Variants in LARS1 observed in about 807,000 individuals in gnomAD.
LARS1 encodes leucyl-tRNA synthetase 1.
LARS1 carries 100 observed loss-of-function variants against 162.8 expected under a neutral mutation model. That is an observed-to-expected ratio of 0.61 (90% CI 0.52 to 0.73). LARS1 has a LOEUF of 0.73. Among genes scored for constraint, LARS1 ranks in the 30% least tolerant of loss-of-function variants. The pLI, the probability that LARS1 is intolerant of heterozygous loss-of-function variation, is 0.00. For missense variants in LARS1, 1,258 were observed against 1,408.9 expected (o/e 0.89, Z 1.71); for synonymous variants, 457 against 462.8 (o/e 0.99, Z 0.16).
At chr5:146,115,411 G>T (rs976869212) in intron 31 of LARS1, among the ~76,000 whole-genome samples, 2 of 151,908 alleles carry the variant, frequency 1.3e-5, no homozygotes, top group African/African-American at 4.8e-5. Flanking sequence ...CTCAAAAGAT[G>T]AAAGTATTTG....
chr5:146,141,495 A>G (rs1006242084), intron 20 of LARS1, among the ~76,000 whole-genome samples: 1 of 152,220 alleles, frequency 6.6e-6, no homozygotes, highest in Non-Finnish European at 1.5e-5. Context: ...CTACAAATGC[A>G]TTGTAAACAA....
chr5:146,176,580 T>C (rs1581094560), intron 2 of LARS1, among the ~76,000 whole-genome samples: 2 of 152,196 alleles, frequency 1.3e-5, no homozygotes, highest in African/African-American at 4.8e-5. Context: ...GTTGTTACTA[T>C]AACCGTATTT....
At position 146,159,505 on chromosome 5, in the gene LARS1, T is replaced by A. The variant is rs1442995536; in HGVS notation, c.708-35A>T. On this transcript the variant is annotated intron_variant, in intron 7 of 31. Transcript: ENST00000394434. ...AAACAAAAAGTGACAAACATTATTA[T>A]AATATTCACGTTTTATCCTACCATA... 7 of 1,496,596 alleles carry A rather than the reference T, an allele frequency of 4.7e-6. No homozygotes were observed. In the East Asian group the frequency reaches 9.0e-5, roughly 19 times the overall value. The allele number at this position is 1,496,596 out of a possible 1,614,324, so 92.7% of individuals were successfully genotyped here.
Position 146,151,995 on chromosome 5 carries a change from A to T in LARS1, c.1292T>A (p.Val431Asp), listed in dbSNP as rs150429680. 6.8e-4 allele frequency: 1,098 copies of T among 1,613,958 alleles called. 2 individuals carry two copies. The highest frequency in any genetic ancestry group is 8.4e-4 in the Non-Finnish European group (989 of 1,180,034). ...DMVLPFEPVPVIEIPGFGNLS... is the reference protein window; with the variant it reads ...DMVLPFEPVPDIEIPGFGNLS... ...ATTTCCAAAACCTGGGATTTCAATG[A>T]CTGGCACCTGCAGCAAACAGCAATC... The change falls in exon 14 of 32, where the codon GTC (valine) becomes GAC (aspartate). Residue 431 changes from valine (V) to aspartate (D), a missense_variant. By Grantham distance (152) the Val-to-Asp change is radical. Coordinates refer to ENST00000394434, the MANE Select transcript of LARS1 (RefSeq NM_020117.11).
chr5:146,144,755 A>T, intron 15 of LARS1, 46 bp from the exon 16 acceptor site: 1 of 1,490,268 alleles, frequency 6.7e-7, no homozygotes, highest in Non-Finnish European at 9.3e-7. Context: ...TGTCAAATCA[A>T]TCTTCATTCC....
intron 2 of LARS1, among the ~76,000 whole-genome samples, chr5:146,173,811 C>T (rs1200339634): frequency 1.3e-5 from 2 of 152,046 alleles, no homozygotes; most frequent in Non-Finnish European, 2.9e-5. Context: ...TTTACCGTTC[C>T]CTTGTTTTTG....
At chr5:146,150,827 T>A (rs1374192452) in intron 14 of LARS1, among the ~76,000 whole-genome samples, 1 of 151,700 alleles carries the variant, frequency 6.6e-6, no homozygotes, top group Non-Finnish European at 1.5e-5. Context: ...TAGTCCCAGC[T>A]ACTCAGGAGT....
chr5:146,120,403 C>T lies in LARS1; in HGVS notation c.3293G>A (p.Arg1098Lys). The change falls in exon 31 of 32, where the codon AGG becomes AAG. Residue 1098 changes from arginine (R) to lysine (K), a missense_variant. Arg to Lys is a conservative substitution (Grantham distance 26). Coordinates refer to ENST00000394434, the MANE Select transcript of LARS1 (RefSeq NM_020117.11). ...TCCTCGATTCATTTTCATTAAACGC[C>T]TGATTATGGAATCACAGTTATCTCC... ...RQGDNCDSII[R>K]RLMKMNRGIK... 1 of 1,613,270 alleles carries T rather than the reference C, an allele frequency of 6.2e-7. No homozygotes were observed. The highest frequency in any genetic ancestry group is 8.5e-7 in the Non-Finnish European group (1 of 1,179,442).
intron 23 of LARS1, chr5:146,131,490 T>TG (rs1752279201): frequency 7.0e-6 from 1 of 143,252 alleles, no homozygotes; most frequent in Admixed American, 7.0e-5. Context: ...AGCCAAGTTT[T>TG]TTTTTTTTTT....
chr5:146,157,521 A>T lies in LARS1; in HGVS notation c.947T>A (p.Phe316Tyr). The T allele has an allele frequency of 1.2e-6, 2 of 1,614,192 alleles. No homozygotes were observed. Among genetic ancestry groups the T allele is most frequent in the Non-Finnish European group, 8.5e-7 (1 of 1,180,034 alleles). Residue 316 changes from phenylalanine to tyrosine, a missense_variant, in exon 10 of 32, where the codon TTT (phenylalanine) becomes TAT (tyrosine). By Grantham distance (22) the Phe-to-Tyr change is conservative. Transcript: ENST00000394434. ...WVRPDMKYIGFETVNGDIFIC... is the reference protein window; with the variant it reads ...WVRPDMKYIGYETVNGDIFIC... ...GAATATATCACCATTCACCGTCTCA[A>T]ATCCAATGTACTTCATATCAGGACG...
chr5:146,130,580 C>T (rs36098188), intron 24 of LARS1: 42,663 of 182,748 alleles, frequency 0.23, 6,053 homozygotes, highest in Admixed American at 0.34. Context: ...ATATTTTACA[C>T]AGCTCATTGC....
At chr5:146,147,209 A>G (rs935789098) in intron 15 of LARS1, among the ~76,000 whole-genome samples, 1 of 152,192 alleles carries the variant, frequency 6.6e-6, no homozygotes, top group Non-Finnish European at 1.5e-5. Context: ...AATATATTAC[A>G]TATCAACGGT....
At position 146,135,678 on chromosome 5, in the gene LARS1, T is replaced by C. The variant is rs753252031; in HGVS notation, c.2149-14A>G. The stretch of plus-strand genomic sequence containing the variant: ...GGATTTTGACATCTGAAATAGAGAG[T>C]CAGTGATCAATCATTAATAACAGTA... On this transcript the variant is annotated splice_polypyrimidine_tract_variant and intron_variant, in intron 21 of 31. Transcript: ENST00000394434. 2 of 1,574,112 alleles carry C rather than the reference T, an allele frequency of 1.3e-6. No homozygotes were observed.
chr5:146,135,501 A>T (rs543530928), intron 22 of LARS1, 100 bp downstream of exon 22: 3 of 876,866 alleles, frequency 3.4e-6, no homozygotes, highest in African/African-American at 1.8e-5. Flanking sequence ...TTTTGTTAAA[A>T]GCAAAACAGA....
At chr5:146,146,091 G>A (rs1325564476) in intron 15 of LARS1, among the ~76,000 whole-genome samples, 3 of 152,164 alleles carry the variant, frequency 2.0e-5, no homozygotes, top group Non-Finnish European at 4.4e-5. Context: ...AGGGCTGGGC[G>A]TGGTGGCTCA....
intron 15 of LARS1, among the ~76,000 whole-genome samples, chr5:146,149,202 C>G (rs1753158013): frequency 6.6e-6 from 1 of 152,026 alleles, no homozygotes; most frequent in South Asian, 2.1e-4. Flanking sequence ...GCCTAACAGA[C>G]CATTGTCTCT....
chr5:146,158,257 CAG>C (rs1303105858), intron 8 of LARS1, among the ~76,000 whole-genome samples: 4 of 152,258 alleles, frequency 2.6e-5, no homozygotes, highest in Admixed American at 2.6e-4. Context: ...CACAAGATAA[CAG>C]ATGAAAAATG....
At position 146,131,166 on chromosome 5, in the gene LARS1, TA is replaced by T. The variant is rs1430814032; in HGVS notation, c.2397-58del. 117 of 744,302 alleles carry T rather than the reference TA, an allele frequency of 1.6e-4. 1 individual carries two copies. Among genetic ancestry groups the T allele is most frequent in the Middle Eastern group, 1.2e-3 (3 of 2,580 alleles). 46.1% of individuals were successfully genotyped at this position (744,302 alleles called of 1,614,324 possible). ...GTTTAAAGGCACTTATACATAGCTA[TA>T]AAAAACTGCTGCATACACAAATTTA... On this transcript the variant is annotated intron_variant, in intron 23 of 31. Coordinates refer to ENST00000394434, the MANE Select transcript of LARS1 (RefSeq NM_020117.11).
At chr5:146,179,108 TATA>T (rs1256481923) in intron 1 of LARS1, among the ~76,000 whole-genome samples, 1 of 152,120 alleles carries the variant, frequency 6.6e-6, no homozygotes, top group Non-Finnish European at 1.5e-5. Flanking sequence ...GGCATGCGCC[TATA>T]ATCTCAGCTA....
Sources: gnomAD v4.1 joint callset for allele counts (sites outside exome capture counted in the v4.1 genomes callset) on GRCh38, gnomAD v4.1.1 for gene constraint, MANE v1.5 for transcripts, NCBI Gene and HGNC (gene_info 2026-07-23, HGNC 2026-07-21) for gene names.